Variants in PSD3 observed in about 807,000 individuals in gnomAD.
PSD3 encodes PH and SEC7 domain-containing protein 3.
Under a neutral mutation model 105.5 loss-of-function variants are expected in PSD3, and 49 were observed. That is an observed-to-expected ratio of 0.46 (90% CI 0.37 to 0.59). The LOEUF (loss-of-function observed/expected upper bound fraction) is 0.59. Among genes scored for constraint, PSD3 ranks in the 20% least tolerant of loss-of-function variants. The pLI is 0.00. For missense variants in PSD3, 1,561 were observed against 1,263.8 expected (o/e 1.24, Z -3.57); for synonymous variants, 557 against 457.8 (o/e 1.22, Z -2.77).
chr8:18,771,824 C>A (rs1050226336), intron 8 of PSD3, among the ~76,000 whole-genome samples: 6 of 152,184 alleles, frequency 3.9e-5, no homozygotes, highest in Admixed American at 6.5e-5. Flanking sequence ...TGTTGTGGAA[C>A]AGAATTCCAA....
At chr8:18,759,760 C>G (rs1434500673) in intron 9 of PSD3, among the ~76,000 whole-genome samples, 3 of 134,808 alleles carry the variant, frequency 2.2e-5, no homozygotes, top group Non-Finnish European at 4.8e-5. Flanking sequence ...GACCTTCCAC[C>G]CTTTATGTTC....
At chr8:18,879,598 T>C (rs1295306461) in intron 2 of PSD3, among the ~76,000 whole-genome samples, 1 of 152,112 alleles carries the variant, frequency 6.6e-6, no homozygotes, top group Non-Finnish European at 1.5e-5. Flanking sequence ...TTGCTTTTTT[T>C]TTCTTTTCTG....
intron 8 of PSD3, among the ~76,000 whole-genome samples, chr8:18,795,368 C>A (rs1016125006): frequency 6.6e-6 from 1 of 152,160 alleles, no homozygotes; most frequent in African/African-American, 2.4e-5. Flanking sequence ...GCTCTTATAC[C>A]AATTGTACAT....
At chr8:18,744,567 A>G (rs1225406566) in intron 9 of PSD3, among the ~76,000 whole-genome samples, 1 of 152,192 alleles carries the variant, frequency 6.6e-6, no homozygotes, top group Non-Finnish European at 1.5e-5. Flanking sequence ...ATACCTTTGT[A>G]CGTTTAACTA....
At chr8:18,941,590 G>A (rs375163501) in intron 1 of PSD3, among the ~76,000 whole-genome samples, 13 of 150,652 alleles carry the variant, frequency 8.6e-5, no homozygotes, top group East Asian at 2.0e-4. Context: ...TTACATTCAC[G>A]TTATCCAACT....
intron 1 of PSD3, among the ~76,000 whole-genome samples, chr8:19,037,917 T>G (rs1827997026): frequency 6.7e-6 from 1 of 149,244 alleles, no homozygotes; most frequent in Non-Finnish European, 1.5e-5. Context: ...TATATAATCA[T>G]ATAGATTTTA....
chr8:18,908,006 A>T (rs1819959622), intron 2 of PSD3, among the ~76,000 whole-genome samples: 1 of 152,234 alleles, frequency 6.6e-6, no homozygotes, highest in Admixed American at 6.5e-5. Context: ...TTAAAATCAA[A>T]CTATCTGTAG....
intron 1 of PSD3, among the ~76,000 whole-genome samples, chr8:19,002,565 A>T (rs1826461338): frequency 6.6e-6 from 1 of 152,090 alleles, no homozygotes; most frequent in South Asian, 2.1e-4. Context: ...ATAGAAAAAC[A>T]CTGAAAGTTA....
chr8:18,807,646 G>C (rs534152635), intron 4 of PSD3, among the ~76,000 whole-genome samples: 1 of 152,128 alleles, frequency 6.6e-6, no homozygotes, highest in Non-Finnish European at 1.5e-5. Context: ...GCATTAACTG[G>C]AACTGACCCA....
chr8:18,537,034 G>A (rs548234472), intron 15 of PSD3, among the ~76,000 whole-genome samples: 201 of 152,258 alleles, frequency 1.3e-3, no homozygotes, highest in African/African-American at 4.6e-3. Context: ...GGTTTTGTAC[G>A]TGTCAGTTTT....
intron 4 of PSD3, among the ~76,000 whole-genome samples, chr8:18,821,732 C>T (rs570933695): frequency 1.0e-5 from 1 of 98,494 alleles, no homozygotes. Context: ...AATAACAAAG[C>T]TCCAATTCCA....
intron 4 of PSD3, among the ~76,000 whole-genome samples, chr8:18,819,753 C>G (rs1586122715): frequency 6.6e-6 from 1 of 151,754 alleles, no homozygotes; most frequent in African/African-American, 2.4e-5. Context: ...TAATTTTTGT[C>G]TGTTTAGTAG....
intron 8 of PSD3, among the ~76,000 whole-genome samples, chr8:18,784,718 C>T (rs1421693948): frequency 6.6e-6 from 1 of 152,140 alleles, no homozygotes; most frequent in Admixed American, 6.5e-5. Context: ...TAAAGAGATA[C>T]ACAGAGTGAG....
Position 18,773,239 on chromosome 8 carries a change from C to G in PSD3, c.2083-7701G>C, listed in dbSNP as rs111754169. Among the ~76,000 whole-genome samples the G allele has an allele frequency of 6.2e-3, 942 of 152,200 alleles. 7 individuals are homozygous for G. Among genetic ancestry groups the G allele is most frequent in the Middle Eastern group, 0.017 (5 of 294 alleles). On this transcript the variant is annotated intron_variant, in intron 8 of 15. Coordinates refer to ENST00000327040, the MANE Select transcript of PSD3 (RefSeq NM_015310.4). The stretch of plus-strand genomic sequence containing the variant: ...CTTCTCTTTTTTTTGCATGAAGATA[C>G]TGTATTCACACTACCATTTTTTAAA...
At chr8:18,621,627 C>T (rs1806114978) in intron 11 of PSD3, among the ~76,000 whole-genome samples, 1 of 152,148 alleles carries the variant, frequency 6.6e-6, no homozygotes, top group Admixed American at 6.5e-5. Flanking sequence ...TGACAAGGTG[C>T]TCCTGCGCGT....
intron 2 of PSD3, among the ~76,000 whole-genome samples, chr8:18,906,338 A>G (rs1819847497): frequency 1.3e-5 from 2 of 152,228 alleles, no homozygotes; most frequent in Non-Finnish European, 2.9e-5. Context: ...AAGACATTCA[A>G]AGAAATTTCA....
intron 9 of PSD3, among the ~76,000 whole-genome samples, chr8:18,743,854 T>C (rs886355038): frequency 1.3e-5 from 2 of 150,878 alleles, no homozygotes; most frequent in African/African-American, 2.4e-5. Context: ...AGGGGGGAGG[T>C]TAAGGTGGGA....
intron 9 of PSD3, among the ~76,000 whole-genome samples, chr8:18,667,974 C>A (rs966493920): frequency 6.6e-6 from 1 of 152,246 alleles, no homozygotes; most frequent in Non-Finnish European, 1.5e-5. Context: ...CCGGCCGCTC[C>A]AAGTGTGGGG....
chr8:18,965,922 C>G (rs1824215651), intron 1 of PSD3, among the ~76,000 whole-genome samples: 1 of 152,204 alleles, frequency 6.6e-6, no homozygotes, highest in Non-Finnish European at 1.5e-5. Flanking sequence ...TTGGGCTTTT[C>G]CGTGCCCATT....
Sources: allele counts gnomAD v4.1 joint callset (sites outside exome capture counted in the v4.1 genomes callset), GRCh38; gene constraint gnomAD v4.1.1; transcripts MANE v1.5; gene names NCBI Gene and HGNC (gene_info 2026-07-23, HGNC 2026-07-21).